Variants in CD81 observed in about 807,000 individuals in gnomAD.
CD81 encodes the protein CD81 molecule, also known as CD81 antigen.
A neutral mutation model predicts 30.1 loss-of-function variants in CD81; 10 were observed. That is an observed-to-expected ratio of 0.33 (90% CI 0.21 to 0.56). The LOEUF (loss-of-function observed/expected upper bound fraction) is 0.56. Among genes scored for constraint, CD81 ranks in the 20% least tolerant of loss-of-function variants. CD81 has a pLI of 0.89. For synonymous variants in CD81, 147 were observed against 126.4 expected, an observed-to-expected ratio of 1.16 and a Z score of -1.10; for missense variants, 263 against 308.7, an observed-to-expected ratio of 0.85 and a Z score of 1.11.
chr11:2,379,010 G>A, intron 1 of CD81: 2 of 389,844 alleles, frequency 5.1e-6, no homozygotes, highest in South Asian at 1.8e-5. Flanking sequence ...GGACGCTGGT[G>A]GGAGTCACTG....
intron 1 of CD81, chr11:2,386,069 G>A (rs768870824): frequency 4.2e-6 from 3 of 717,414 alleles, no homozygotes; most frequent in East Asian, 2.7e-5. Context: ...AGCATGTGGT[G>A]TGGTTGGTCT....
At chr11:2,384,341 G>A (rs1259615276) in intron 1 of CD81, among the ~76,000 whole-genome samples, 4 of 100,744 alleles carry the variant, frequency 4.0e-5, no homozygotes, top group South Asian at 7.8e-4. Context: ...GAAGCGGGGC[G>A]TCTCGGGAGG....
intron 1 of CD81, among the ~76,000 whole-genome samples, chr11:2,381,739 G>A (rs1589845931): frequency 6.6e-6 from 1 of 152,316 alleles, no homozygotes; most frequent in East Asian, 1.9e-4. Context: ...CTGTGATCCA[G>A]GCTGGGCGTG....
chr11:2,396,438 G>A (rs1032050378), intron 6 of CD81, 190 bp from the exon 7 acceptor site: 4 of 637,198 alleles, frequency 6.3e-6, no homozygotes, highest in South Asian at 1.8e-5. Context: ...ATGTTAAAAC[G>A]GGTGGAAGAT....
intron 1 of CD81, among the ~76,000 whole-genome samples, chr11:2,389,478 T>C (rs530742177): frequency 6.6e-6 from 1 of 151,748 alleles, no homozygotes; most frequent in African/African-American, 2.4e-5. Flanking sequence ...ATGATCAGAG[T>C]GGGCTGGGCT....
chr11:2,378,184 G>A lies in CD81; in HGVS notation c.66+569G>A, dbSNP rs781411123. 6.6e-6 allele frequency among the ~76,000 whole-genome samples: 1 copy of A among 152,100 alleles called. No individual in the cohort carries two copies. Among genetic ancestry groups the A allele is most frequent in the Non-Finnish European group, 1.5e-5 (1 of 68,004 alleles). ...TCTCCAATCTGCGGTCACCACCCGA[G>A]ACCTTCCTGGGGGTCGCGCCTAAAA... On this transcript the variant is annotated intron_variant, in intron 1 of 7. Coordinates refer to ENST00000263645, the MANE Select transcript of CD81 (RefSeq NM_004356.4). The surrounding 1 kb of genome is among the most constrained non-coding windows in gnomAD (Gnocchi z 4.9).
intron 2 of CD81, chr11:2,392,584 G>C (rs895376968): frequency 4.6e-5 from 7 of 152,422 alleles, no homozygotes; most frequent in Non-Finnish European, 8.8e-5. Context: ...CGTGGGCTCT[G>C]CCTGGGCCCC....
At position 2,396,919 on chromosome 11, in the gene CD81, G is replaced by C. The variant is rs911957710; in HGVS notation, c.*53G>C. 1.3e-6 allele frequency: 2 copies of C among 1,546,196 alleles called. No individual in the cohort carries two copies. Among genetic ancestry groups the C allele is most frequent in the African/African-American group, 2.7e-5 (2 of 73,476 alleles). ...TCTGCAGTGCCCCCTAAGTGACCCGGACACTTCCGAGGGGGCCATCACCGC... is the reference window on the plus strand; with the variant it reads ...TCTGCAGTGCCCCCTAAGTGACCCGCACACTTCCGAGGGGGCCATCACCGC... On this transcript the variant is annotated 3_prime_UTR_variant, in exon 8 of 8. Coordinates refer to ENST00000263645, the MANE Select transcript of CD81 (RefSeq NM_004356.4).
intron 1 of CD81, chr11:2,386,583 G>A (rs1183387449): frequency 2.2e-5 from 16 of 717,120 alleles, no homozygotes; most frequent in Admixed American, 1.8e-4. Flanking sequence ...GCTGAAGGTC[G>A]GAGAGCTTGG....
At chr11:2,395,157 T>C (rs112057487) in intron 4 of CD81, 111 bp downstream of exon 4, 15 of 921,740 alleles carry the variant, frequency 1.6e-5, no homozygotes, top group African/African-American at 8.1e-5. Flanking sequence ...CTTTGGGCTC[T>C]TCCTGGGTCC....
At position 2,377,997 on chromosome 11, in the gene CD81, T is replaced by C. The variant is rs1244377613; in HGVS notation, c.66+382T>C. On this transcript the variant is annotated intron_variant, in intron 1 of 7. Coordinates refer to ENST00000263645, the MANE Select transcript of CD81 (RefSeq NM_004356.4). This position sits in a 1 kb window ranked among gnomAD's most constrained non-coding sequence, Gnocchi z 7.7. ...GGGTCCCTGGCCGCGGATTCCGGAC[T>C]GCTGCTTCGCGGGGACGAGGGGGGG... 1 of 151,458 alleles carries C rather than the reference T, an allele frequency of 6.6e-6. No individual in the cohort carries two copies. The highest frequency in any genetic ancestry group is 2.4e-5 in the African/African-American group (1 of 41,020). The allele number at this position is 151,458 out of a possible 1,614,324, so 9.4% of individuals were successfully genotyped here.
At chr11:2,384,461 G>GCTTGTGGGGTGGGGCAT (rs1274268761) in intron 1 of CD81, among the ~76,000 whole-genome samples, 3 of 107,120 alleles carry the variant, frequency 2.8e-5, no homozygotes, top group African/African-American at 7.4e-5. Flanking sequence ...GGGTAGGGCG[G>GCTTGTGGGGTGGGGCAT]CTTGTGGGGT....
chr11:2,382,589 C>T (rs1047645067), intron 1 of CD81: 1 of 152,232 alleles, frequency 6.6e-6, no homozygotes, highest in Non-Finnish European at 1.5e-5. Context: ...GATGGGGGAC[C>T]CCGCAGGGCG....
upstream of CD81, chr11:2,377,033 T>A (rs1300286444): frequency 6.6e-6 from 1 of 152,354 alleles, no homozygotes; most frequent in Non-Finnish European, 1.5e-5. The surrounding 1 kb of genome is among the most constrained non-coding windows in gnomAD (Gnocchi z 7.7). Flanking sequence ...GCTGCATGCC[T>A]GTCCTCAGGC....
chr11:2,386,601 C>A lies in CD81; in HGVS notation c.67-3811C>A, dbSNP rs1849802425. 3 of 717,286 alleles carry A rather than the reference C, an allele frequency of 4.2e-6. No individual in the cohort carries two copies. In the East Asian group the frequency reaches 8.0e-5, roughly 19 times the overall value. The allele number at this position is 717,286 out of a possible 1,614,324, so 44.4% of individuals were successfully genotyped here. On this transcript the variant is annotated intron_variant, in intron 1 of 7. Transcript: ENST00000263645. ...GAAGGTCGGAGAGCTTGGCATGGCCCCGTTTGTCCATGCTAGGGCTGGGAA... is the reference window on the plus strand; with the variant it reads ...GAAGGTCGGAGAGCTTGGCATGGCCACGTTTGTCCATGCTAGGGCTGGGAA...
chr11:2,377,046 G>C (rs1849604030), upstream of CD81: 3 of 152,484 alleles, frequency 2.0e-5, no homozygotes, highest in Non-Finnish European at 4.4e-5. This position sits in a 1 kb window ranked among gnomAD's most constrained non-coding sequence, Gnocchi z 7.7. Context: ...CCTCAGGCGC[G>C]GCCCTGCTGC....
chr11:2,394,317 G>A (rs1223416453), intron 3 of CD81, 125 bp downstream of exon 3: 1 of 649,878 alleles, frequency 1.5e-6, no homozygotes. Context: ...TGGCTCCTGT[G>A]CCCTGCTTTT....
Position 2,397,127 on chromosome 11 carries a change from G to A in CD81, c.*261G>A. 3.8e-6 allele frequency: 2 copies of A among 532,264 alleles called. No individual in the cohort carries two copies. The highest frequency in any genetic ancestry group is 4.1e-5 in the South Asian group (2 of 48,918). The allele number at this position is 532,264 out of a possible 1,614,324, so 33.0% of individuals were successfully genotyped here. On this transcript the variant is annotated 3_prime_UTR_variant, in exon 8 of 8. Transcript: ENST00000263645. ...AGGGCAGGGGTCCTTCTGCCCTGGG[G>A]TCCCAGGGTGCTCTGCCTGCTCAGC...
intron 6 of CD81, chr11:2,396,371 C>G (rs565288671): frequency 1.5e-5 from 9 of 597,754 alleles, no homozygotes; most frequent in Non-Finnish European, 2.4e-5. Context: ...TCTAGTGACA[C>G]CAATGACCGT....
Sources: gnomAD v4.1 joint callset for allele counts (sites outside exome capture counted in the v4.1 genomes callset) on GRCh38, gnomAD v4.1.1 for gene constraint, Gnocchi (gnomAD v3.1) non-coding constraint, MANE v1.5 for transcripts, NCBI Gene and HGNC (gene_info 2026-07-23, HGNC 2026-07-21) for gene names.